C19orf47: variants seen among roughly 807,000 people sequenced by gnomAD.
C19orf47 encodes the protein chromosome 19 open reading frame 47.
A neutral mutation model predicts 32.3 loss-of-function variants in C19orf47; 18 were observed. The observed-to-expected ratio is 0.56, with a 90% CI of 0.39 to 0.83. The LOEUF (loss-of-function observed/expected upper bound fraction) is 0.83, where lower values mean the gene tolerates loss of function less well. Among genes scored for constraint, C19orf47 ranks in the 40% least tolerant of loss-of-function variants. The probability of loss-of-function intolerance (pLI) is 0.00; values close to 1 mark genes in which losing one functional copy is unlikely to be tolerated. For missense variants in C19orf47, 484 were observed against 531.6 expected (o/e 0.91, Z 0.88); for synonymous variants, 202 against 211.1 (o/e 0.96, Z 0.37).
the C19orf47 span, among the ~76,000 whole-genome samples, chr19:40,305,611 C>G: frequency 6.6e-6 from 1 of 152,146 alleles, no homozygotes; most frequent in East Asian, 1.9e-4. Context: ...TGAACATTCA[C>G]TGTCTAAAAG....
the C19orf47 span, among the ~76,000 whole-genome samples, chr19:40,308,821 G>A: frequency 1.3e-5 from 2 of 151,858 alleles, no homozygotes; most frequent in Non-Finnish European, 2.9e-5. Context: ...TGTAATCCCA[G>A]CACTTTGGGA....
chr19:40,329,084 C>T (rs2077896200), intron 5 of C19orf47, among the ~76,000 whole-genome samples: 1 of 152,044 alleles, frequency 6.6e-6, no homozygotes, highest in Non-Finnish European at 1.5e-5. Flanking sequence ...CCCTTACCCA[C>T]TTTCATTTTC....
the C19orf47 span, among the ~76,000 whole-genome samples, chr19:40,296,468 G>A: frequency 6.6e-6 from 1 of 151,894 alleles, no homozygotes; most frequent in Non-Finnish European, 1.5e-5. Flanking sequence ...TTTTAGTAGA[G>A]ATGGGGTTTC....
At chr19:40,301,252 G>A in the C19orf47 span, among the ~76,000 whole-genome samples, 1 of 151,792 alleles carries the variant, frequency 6.6e-6, no homozygotes, top group African/African-American at 2.4e-5. Flanking sequence ...AATACCTACA[G>A]TATTATAGTG....
intron 5 of C19orf47, among the ~76,000 whole-genome samples, chr19:40,330,322 A>G (rs975343447): frequency 4.1e-4 from 62 of 150,416 alleles, no homozygotes; most frequent in African/African-American, 1.4e-3. Flanking sequence ...TCTGCCTCCC[A>G]GGTTCACACC....
the C19orf47 span, among the ~76,000 whole-genome samples, chr19:40,301,208 A>G: frequency 1.3e-5 from 2 of 152,024 alleles, no homozygotes; most frequent in Non-Finnish European, 2.9e-5. Flanking sequence ...TAAGAATTAC[A>G]TGGGACTGAG....
Position 40,348,391 on chromosome 19 carries a change from A to T in C19orf47, c.-101T>A, listed in dbSNP as rs1568636030. The T allele has an allele frequency of 7.1e-7, 1 of 1,408,844 alleles. No homozygotes were observed. 87.3% of individuals were successfully genotyped at this position (1,408,844 alleles called of 1,614,324 possible). On this transcript the variant is annotated 5_prime_UTR_variant, in exon 1 of 9. Transcript: ENST00000683109. ...CTCCCGGCGGCGCCAACTGTCAGAC[A>T]CTCCTCCCCCGGCCCGGGCTGCCCG...
intron 2 of C19orf47, chr19:40,339,049 CTGAT>C (rs1375142414): frequency 6.6e-6 from 1 of 152,504 alleles, no homozygotes; most frequent in Non-Finnish European, 1.5e-5. Flanking sequence ...GATTAATTGA[CTGAT>C]TGACTTTAAG....
At chr19:40,340,102 T>C (rs575125658) in intron 2 of C19orf47, among the ~76,000 whole-genome samples, 5 of 151,814 alleles carry the variant, frequency 3.3e-5, no homozygotes, top group African/African-American at 1.2e-4. Context: ...CTCGGGGGGC[T>C]GACAATATTC....
At chr19:40,319,163 G>T (rs569092602), downstream of C19orf47, among the ~76,000 whole-genome samples, 2 of 151,854 alleles carry the variant, frequency 1.3e-5, no homozygotes, top group Non-Finnish European at 2.9e-5. Flanking sequence ...CCAGCTACCA[G>T]GGAGGCTGAG....
chr19:40,325,251 C>T (rs1462835092), intron 7 of C19orf47, among the ~76,000 whole-genome samples: 1 of 149,014 alleles, frequency 6.7e-6, no homozygotes, highest in African/African-American at 2.5e-5. Flanking sequence ...GCCTGCGTAA[C>T]AGAGCAAGAC....
At chr19:40,308,682 T>C in the C19orf47 span, among the ~76,000 whole-genome samples, 20 of 151,370 alleles carry the variant, frequency 1.3e-4, no homozygotes, top group East Asian at 4.0e-3. Context: ...CAGGCTGGTC[T>C]CAAACTCCTC....
At chr19:40,339,103 G>A (rs998301283) in intron 2 of C19orf47, 2 of 153,048 alleles carry the variant, frequency 1.3e-5, no homozygotes, top group African/African-American at 4.8e-5. Flanking sequence ...AAGGAACAAA[G>A]AAATCTGTAA....
chr19:40,346,495 TAAAA>T (rs1263369273), intron 1 of C19orf47, among the ~76,000 whole-genome samples: 1 of 131,888 alleles, frequency 7.6e-6, no homozygotes, highest in Non-Finnish European at 1.6e-5. Context: ...ATAATAAAAA[TAAAA>T]AAACACCATC....
the C19orf47 span, among the ~76,000 whole-genome samples, chr19:40,298,125 C>A: frequency 6.6e-6 from 1 of 151,482 alleles, no homozygotes; most frequent in Non-Finnish European, 1.5e-5. Flanking sequence ...CATGACTAAT[C>A]TAAGCATAAT....
intron 2 of C19orf47, among the ~76,000 whole-genome samples, chr19:40,338,322 AATAT>A (rs902873946): frequency 6.8e-6 from 1 of 146,088 alleles, no homozygotes; most frequent in African/African-American, 2.6e-5. Context: ...TATATACACA[AATAT>A]ATATATACAC....
At chr19:40,305,476 T>C in the C19orf47 span, among the ~76,000 whole-genome samples, 1 of 152,126 alleles carries the variant, frequency 6.6e-6, no homozygotes, top group African/African-American at 2.4e-5. Context: ...AGCTGCCCAG[T>C]GGATTTATAA....
chr19:40,346,511 TA>T (rs1319215282), intron 1 of C19orf47, among the ~76,000 whole-genome samples: 428 of 135,218 alleles, frequency 3.2e-3, no homozygotes, highest in African/African-American at 9.9e-3. Flanking sequence ...AACACCATCT[TA>T]AAAAAAAAAA....
upstream of C19orf47, chr19:40,348,402 G>A (rs544955999): frequency 3.8e-5 from 51 of 1,343,934 alleles, no homozygotes; most frequent in South Asian, 6.2e-4. Flanking sequence ...CTCCTCCCCC[G>A]GCCCGGGCTG....
Sources: gnomAD v4.1 joint callset for allele counts (sites outside exome capture counted in the v4.1 genomes callset) on GRCh38, gnomAD v4.1.1 for gene constraint, MANE v1.5 for transcripts, NCBI Gene and HGNC (gene_info 2026-07-23, HGNC 2026-07-21) for gene names.